Variants in PTPRD observed in about 807,000 individuals in gnomAD.
PTPRD encodes receptor-type tyrosine-protein phosphatase delta.
In PTPRD, 34 loss-of-function variants were observed where a neutral mutation model predicts 214.5. That is an observed-to-expected ratio of 0.16 (90% CI 0.12 to 0.21). The LOEUF (loss-of-function observed/expected upper bound fraction) is 0.21, where lower values mean the gene tolerates loss of function less well. Among genes scored for constraint, PTPRD ranks in the 10% least tolerant of loss-of-function variants. The probability of loss-of-function intolerance (pLI) is 1.00; values close to 1 mark genes in which losing one functional copy is unlikely to be tolerated. For missense variants in PTPRD, 2,545 were observed against 2,398.7 expected, an observed-to-expected ratio of 1.06 and a Z score of -1.27; for synonymous variants, 1,128 against 845.7, an observed-to-expected ratio of 1.33 and a Z score of -5.79.
chr9:9,716,144 A>G lies in PTPRD; in HGVS notation c.-287+18389T>C, dbSNP rs559173591. ...TTGCGATAGTTTACTGAGAATGATT[A>G]TTTCCAATTTCCTCCAAGTCCCTAC... On this transcript the variant is annotated intron_variant, in intron 7 of 45. Transcript: ENST00000381196. Among the ~76,000 whole-genome samples, 10 of 152,156 alleles carry G rather than the reference A, an allele frequency of 6.6e-5. No homozygotes were observed. In the East Asian group the frequency reaches 1.7e-3, roughly 27 times the overall value.
intron 3 of PTPRD, among the ~76,000 whole-genome samples, chr9:10,273,509 G>C (rs1802459112): frequency 6.6e-6 from 1 of 152,104 alleles, no homozygotes; most frequent in African/African-American, 2.4e-5. Context: ...TGTTTAACCT[G>C]ACTGAAGTCC....
intron 35 of PTPRD, among the ~76,000 whole-genome samples, chr9:8,405,719 G>T (rs1282287428): frequency 6.6e-6 from 1 of 152,040 alleles, no homozygotes; most frequent in Non-Finnish European, 1.5e-5. Context: ...TTTCAAGAAT[G>T]ATAAAACAGG....
intron 9 of PTPRD, among the ~76,000 whole-genome samples, chr9:9,308,208 A>C (rs966709986): frequency 2.0e-5 from 3 of 152,160 alleles, no homozygotes; most frequent in African/African-American, 7.2e-5. Flanking sequence ...TAATCCTCAG[A>C]TTGTGATCAA....
chr9:8,345,778 G>A (rs1032497365), intron 39 of PTPRD, among the ~76,000 whole-genome samples: 40 of 152,020 alleles, frequency 2.6e-4, no homozygotes, highest in Admixed American at 1.8e-3. Context: ...GAAATCTACT[G>A]GCATCCGTTC....
chr9:9,143,571 A>C (rs1383432606), intron 10 of PTPRD, among the ~76,000 whole-genome samples: 1 of 152,210 alleles, frequency 6.6e-6, no homozygotes, highest in Non-Finnish European at 1.5e-5. Context: ...TTAAAGACCG[A>C]ATGTTTTCTA....
chr9:9,151,797 A>C (rs533781803), intron 10 of PTPRD, among the ~76,000 whole-genome samples: 1 of 152,286 alleles, frequency 6.6e-6, no homozygotes, highest in South Asian at 2.1e-4. Context: ...TTTTCATCAC[A>C]ATGTGATATA....
At chr9:8,542,391 T>C (rs7858909) in intron 14 of PTPRD, among the ~76,000 whole-genome samples, 56,757 of 152,026 alleles carry the variant, frequency 0.37, 11,854 homozygotes, top group African/African-American at 0.58. Context: ...AAACTTACAT[T>C]AGGAAGATGT....
At chr9:9,457,563 G>C (rs16924719) in intron 8 of PTPRD, among the ~76,000 whole-genome samples, 2 of 151,930 alleles carry the variant, frequency 1.3e-5, no homozygotes, top group Non-Finnish European at 2.9e-5. Flanking sequence ...ACTTTATTCT[G>C]GGGAAGATTT....
At chr9:9,092,561 A>T (rs2099777783) in intron 10 of PTPRD, among the ~76,000 whole-genome samples, 1 of 152,066 alleles carries the variant, frequency 6.6e-6, no homozygotes, top group Non-Finnish European at 1.5e-5. Flanking sequence ...CTTATAACAT[A>T]TGAAAAAGTT....
chr9:9,255,020 G>C (rs1159312860), intron 9 of PTPRD, among the ~76,000 whole-genome samples: 1 of 152,008 alleles, frequency 6.6e-6, no homozygotes, highest in African/African-American at 2.4e-5. Flanking sequence ...ATATAGATGA[G>C]ATTTTGTGGC....
intron 7 of PTPRD, among the ~76,000 whole-genome samples, chr9:9,713,776 G>T (rs553242888): frequency 6.6e-6 from 1 of 152,264 alleles, no homozygotes; most frequent in Non-Finnish European, 1.5e-5. Flanking sequence ...TCTTCAGCAT[G>T]ATGTTGGCAG....
intron 10 of PTPRD, among the ~76,000 whole-genome samples, chr9:9,167,275 A>AT (rs1261839190): frequency 6.7e-6 from 1 of 149,212 alleles, no homozygotes; most frequent in South Asian, 2.1e-4. Flanking sequence ...TGTGCTTCTT[A>AT]TTTTTTTAAA....
chr9:10,185,618 G>C (rs541359621), intron 3 of PTPRD, among the ~76,000 whole-genome samples: 53 of 152,260 alleles, frequency 3.5e-4, no homozygotes, highest in Non-Finnish European at 1.5e-5. Flanking sequence ...GCAAGACAAC[G>C]GTTAGAACAC....
chr9:10,149,132 G>A (rs2099043559), intron 3 of PTPRD, among the ~76,000 whole-genome samples: 1 of 152,094 alleles, frequency 6.6e-6, no homozygotes. Flanking sequence ...TGCAAGTAAG[G>A]AGCAGTATTC....
intron 7 of PTPRD, among the ~76,000 whole-genome samples, chr9:9,627,161 A>T (rs1346738156): frequency 6.6e-6 from 1 of 152,148 alleles, no homozygotes; most frequent in East Asian, 1.9e-4. Flanking sequence ...CAAAAAATAC[A>T]AAAATTAGCC....
At chr9:10,042,526 G>A (rs2097314958) in intron 3 of PTPRD, among the ~76,000 whole-genome samples, 1 of 151,794 alleles carries the variant, frequency 6.6e-6, no homozygotes, top group African/African-American at 2.4e-5. Context: ...GCCATATGCT[G>A]GGATCCTTAT....
chr9:9,632,347 A>C (rs1049457407), intron 7 of PTPRD, among the ~76,000 whole-genome samples: 7 of 148,594 alleles, frequency 4.7e-5, no homozygotes, highest in Non-Finnish European at 8.9e-5. Flanking sequence ...ATTTACATGA[A>C]ATGTCCAGAA....
intron 10 of PTPRD, among the ~76,000 whole-genome samples, chr9:9,179,986 G>T (rs2099927232): frequency 6.6e-6 from 1 of 151,992 alleles, no homozygotes; most frequent in Admixed American, 6.6e-5. Flanking sequence ...AGGGATGAAG[G>T]ATACATTAAA....
intron 8 of PTPRD, among the ~76,000 whole-genome samples, chr9:9,466,918 T>C (rs1201814872): frequency 6.6e-6 from 1 of 152,162 alleles, no homozygotes; most frequent in Non-Finnish European, 1.5e-5. Flanking sequence ...TGTCAAGTAC[T>C]GAGAAAATAT....
Sources: gnomAD v4.1 joint callset for allele counts (sites outside exome capture counted in the v4.1 genomes callset) on GRCh38, gnomAD v4.1.1 for gene constraint, MANE v1.5 for transcripts, NCBI Gene and HGNC (gene_info 2026-07-23, HGNC 2026-07-21) for gene names.